TENM3: variants seen among roughly 807,000 people sequenced by gnomAD.
TENM3 encodes the protein teneurin transmembrane protein 3.
A neutral mutation model predicts 255.1 loss-of-function variants in TENM3; 63 were observed. The ratio of observed to expected loss-of-function variants is 0.25; its 90% CI spans 0.20 to 0.30. TENM3 has a LOEUF of 0.30. Ranked by LOEUF, TENM3 falls within the 10% of genes least tolerant of loss-of-function variation. TENM3 has a pLI of 1.00. For missense variants in TENM3, 2,929 were observed against 3,461.1 expected, an observed-to-expected ratio of 0.85 and a Z score of 3.86; for synonymous variants, 1,306 against 1,322.3, an observed-to-expected ratio of 0.99 and a Z score of 0.27.
chr4:181,888,528 A>ATG, the TENM3 span, among the ~76,000 whole-genome samples: 5 of 81,208 alleles, frequency 6.2e-5, no homozygotes, highest in African/African-American at 3.2e-4. Context: ...ATATATATAC[A>ATG]TATATGTGTA....
At chr4:181,907,709 G>C in the TENM3 span, among the ~76,000 whole-genome samples, 2,629 of 152,246 alleles carry the variant, frequency 0.017, 23 homozygotes, top group Middle Eastern at 0.041. Context: ...CAAGCTCTCA[G>C]AGGAGGGAGA....
At chr4:182,301,945 T>G (rs767792601) in intron 1 of TENM3, among the ~76,000 whole-genome samples, 1 of 152,182 alleles carries the variant, frequency 6.6e-6, no homozygotes, top group African/African-American at 2.4e-5. Flanking sequence ...TGGGACACGC[T>G]CGGGTGCCTT....
chr4:182,495,968 AC>A (rs1560828775), intron 3 of TENM3, among the ~76,000 whole-genome samples: 1 of 152,186 alleles, frequency 6.6e-6, no homozygotes, highest in Non-Finnish European at 1.5e-5. Flanking sequence ...ATTTAGACTG[AC>A]CTTGGAAGCT....
chr4:182,042,878 TGC>T, the TENM3 span, among the ~76,000 whole-genome samples: 12 of 39,378 alleles, frequency 3.0e-4, no homozygotes, highest in Admixed American at 1.5e-3. Flanking sequence ...TTATCGTGTG[TGC>T]GTGTGTGTGT....
chr4:182,682,898 A>G (rs1055413292), intron 11 of TENM3, among the ~76,000 whole-genome samples: 3 of 152,224 alleles, frequency 2.0e-5, no homozygotes, highest in Admixed American at 1.3e-4. Flanking sequence ...AAATCAATAC[A>G]TCCTAGTTTA....
the TENM3 span, among the ~76,000 whole-genome samples, chr4:181,464,315 C>T: frequency 6.6e-6 from 1 of 152,176 alleles, no homozygotes; most frequent in Non-Finnish European, 1.5e-5. Context: ...TAACAATTGT[C>T]ATTGTCTGTC....
the TENM3 span, among the ~76,000 whole-genome samples, chr4:181,640,262 A>C: frequency 6.6e-6 from 1 of 152,156 alleles, no homozygotes; most frequent in Non-Finnish European, 1.5e-5. Flanking sequence ...GTGCATCAAC[A>C]AGCTCTCCAG....
chr4:181,926,338 G>GA, the TENM3 span, among the ~76,000 whole-genome samples: 1,154 of 152,230 alleles, frequency 7.6e-3, 10 homozygotes, highest in Non-Finnish European at 0.011. Context: ...AATACTGTCA[G>GA]AAAATAAAGA....
At chr4:181,958,301 A>G in the TENM3 span, among the ~76,000 whole-genome samples, 2 of 152,220 alleles carry the variant, frequency 1.3e-5, no homozygotes, top group Non-Finnish European at 2.9e-5. Flanking sequence ...TCAATGATAA[A>G]TTAAATGACA....
chr4:181,868,004 T>C, the TENM3 span, among the ~76,000 whole-genome samples: 1 of 152,226 alleles, frequency 6.6e-6, no homozygotes, highest in Non-Finnish European at 1.5e-5. Context: ...CTTCCAGACA[T>C]CTGTATAAAA....
the TENM3 span, among the ~76,000 whole-genome samples, chr4:181,783,013 C>T: frequency 1.3e-5 from 2 of 152,260 alleles, no homozygotes; most frequent in Middle Eastern, 3.4e-3. Context: ...TGTTCTTTTA[C>T]ATTTGCTGAG....
chr4:182,599,971 A>G (rs1261925189), intron 3 of TENM3, among the ~76,000 whole-genome samples: 1 of 152,196 alleles, frequency 6.6e-6, no homozygotes, highest in Non-Finnish European at 1.5e-5. Flanking sequence ...TGAGATGGAA[A>G]GTAGGTCTCA....
the TENM3 span, among the ~76,000 whole-genome samples, chr4:182,003,398 G>T: frequency 6.6e-6 from 1 of 151,996 alleles, no homozygotes; most frequent in African/African-American, 2.4e-5. Context: ...AATAAAATTA[G>T]ACTTAATATA....
the TENM3 span, among the ~76,000 whole-genome samples, chr4:181,645,340 G>A: frequency 3.9e-5 from 6 of 152,088 alleles, no homozygotes; most frequent in African/African-American, 1.4e-4. Context: ...ACATCAGCAT[G>A]GTGCCCCTCT....
the TENM3 span, among the ~76,000 whole-genome samples, chr4:182,121,306 G>A: frequency 3.9e-5 from 6 of 152,168 alleles, no homozygotes; most frequent in Non-Finnish European, 7.4e-5. Flanking sequence ...CCTCTGACTC[G>A]CATTTTAAAA....
intron 3 of TENM3, among the ~76,000 whole-genome samples, chr4:182,369,797 C>CT (rs1766675695): frequency 6.6e-6 from 1 of 152,088 alleles, no homozygotes; most frequent in Admixed American, 6.5e-5. Flanking sequence ...AGGGGAATTG[C>CT]TCGAACCCGG....
chr4:182,713,418 T>TCA (rs1192581245), intron 12 of TENM3, among the ~76,000 whole-genome samples: 1 of 152,240 alleles, frequency 6.6e-6, no homozygotes, highest in Non-Finnish European at 1.5e-5. Context: ...TTAGAATAGA[T>TCA]GCTAAGCTGC....
chr4:182,194,945 A>G (rs1429313400), intron 1 of TENM3, among the ~76,000 whole-genome samples: 1 of 151,918 alleles, frequency 6.6e-6, no homozygotes, highest in Non-Finnish European at 1.5e-5. Flanking sequence ...CCATGGAAGT[A>G]TTCAGACATA....
At chr4:182,118,959 A>G in the TENM3 span, among the ~76,000 whole-genome samples, 4 of 152,212 alleles carry the variant, frequency 2.6e-5, no homozygotes, top group Admixed American at 2.6e-4. Context: ...CTGCAAAAAA[A>G]TAGGCCATTA....
Sources: gnomAD v4.1 joint callset for allele counts (sites outside exome capture counted in the v4.1 genomes callset) on GRCh38, gnomAD v4.1.1 for gene constraint, MANE v1.5 for transcripts, NCBI Gene and HGNC (gene_info 2026-07-23, HGNC 2026-07-21) for gene names.